DCAF7: variants seen among roughly 807,000 people sequenced by gnomAD.
DCAF7 encodes DDB1- and CUL4-associated factor 7.
In DCAF7, 4 loss-of-function variants were observed where a neutral mutation model predicts 41.2. The ratio of observed to expected loss-of-function variants is 0.10; its 90% CI spans 0.05 to 0.22. The LOEUF (loss-of-function observed/expected upper bound fraction) is 0.22, where lower values mean the gene tolerates loss of function less well. Ranked by LOEUF, DCAF7 falls within the 10% of genes least tolerant of loss-of-function variation. The pLI, the probability that DCAF7 is intolerant of heterozygous loss-of-function variation, is 1.00. For synonymous variants in DCAF7, 143 were observed against 164.2 expected (o/e 0.87, Z 0.99); for missense variants, 131 against 443.2 (o/e 0.30, Z 6.32).
chr17:63,575,094 ATCACTTGAGG>A (rs1164142673), intron 1 of DCAF7, among the ~76,000 whole-genome samples: 1 of 152,230 alleles, frequency 6.6e-6, no homozygotes, highest in Non-Finnish European at 1.5e-5. Context: ...AGATGGGCAG[ATCACTTGAGG>A]TCAGGAGTTT....
chr17:63,565,320 A>G (rs781700296), intron 1 of DCAF7, among the ~76,000 whole-genome samples: 18 of 152,102 alleles, frequency 1.2e-4, no homozygotes, highest in Non-Finnish European at 2.4e-4. Flanking sequence ...CACACCTGCA[A>G]TCCCAGCACT....
chr17:63,567,413 C>T (rs1410223443), intron 1 of DCAF7, among the ~76,000 whole-genome samples: 1 of 152,204 alleles, frequency 6.6e-6, no homozygotes, highest in Non-Finnish European at 1.5e-5. Context: ...GGCTAAAACA[C>T]ACACTTGTGC....
At chr17:63,572,988 CCTGGG>C in intron 1 of DCAF7, among the ~76,000 whole-genome samples, 1 of 152,288 alleles carries the variant, frequency 6.6e-6, no homozygotes, top group East Asian at 1.9e-4. Context: ...GTCTCGAATT[CCTGGG>C]CTCAAGCCAT....
intron 1 of DCAF7, among the ~76,000 whole-genome samples, chr17:63,557,284 G>A (rs2033321404): frequency 6.6e-6 from 1 of 152,098 alleles, no homozygotes; most frequent in South Asian, 2.1e-4. Context: ...ACATCAGCTG[G>A]CAGAGCACAC....
At chr17:63,583,812 G>A (rs1164037402) in intron 5 of DCAF7, 101 bp downstream of exon 5, 3 of 1,203,006 alleles carry the variant, frequency 2.5e-6, no homozygotes, top group African/African-American at 1.5e-5. Flanking sequence ...GGCTCCCGGA[G>A]TATCTTTGGG....
chr17:63,560,018 T>C (rs2147761229), intron 1 of DCAF7, among the ~76,000 whole-genome samples: 1 of 151,998 alleles, frequency 6.6e-6, no homozygotes, highest in East Asian at 1.9e-4. Flanking sequence ...CCTTAATAAC[T>C]GCATATAAAG....
chr17:63,570,318 G>A (rs923113775), intron 1 of DCAF7, among the ~76,000 whole-genome samples: 3 of 152,026 alleles, frequency 2.0e-5, no homozygotes. Context: ...GCCAGGCGTG[G>A]TGGTATGCAC....
intron 1 of DCAF7, among the ~76,000 whole-genome samples, chr17:63,575,299 C>T (rs901631426): frequency 2.0e-5 from 3 of 152,148 alleles, no homozygotes; most frequent in Non-Finnish European, 4.4e-5. Flanking sequence ...CCCCTACACT[C>T]CAGCTGAGGC....
rs546982068 is a variant in DCAF7, at chr17:63,550,698, G to A, written c.21G>A (p.Arg7=). The A allele has an allele frequency of 1.7e-4, 272 of 1,613,324 alleles. 6 individuals are homozygous for A. In the South Asian group the frequency reaches 2.8e-3, roughly 16 times the overall value. Residue 7 remains arginine (R), a synonymous_variant, in exon 1 of 7, where the codon CGG becomes CGA. Coordinates refer to ENST00000614556, the MANE Select transcript of DCAF7 (RefSeq NM_005828.5). The surrounding 1 kb of genome is among the most constrained non-coding windows in gnomAD (Gnocchi z 4.8). ...CCACCATGTCCCTGCACGGCAAACG[G>A]AAGGAGATCTACAAGTATGAAGCGC... MSLHGK[R]KEIYKYEAPW...
chr17:63,576,163 C>T (rs191931001), intron 1 of DCAF7, among the ~76,000 whole-genome samples: 165 of 152,272 alleles, frequency 1.1e-3, no homozygotes, highest in Admixed American at 9.1e-3. Context: ...AAACCTTGTT[C>T]GGGAGCTGTA....
chr17:63,550,941 C>G lies in DCAF7; in HGVS notation c.138+126C>G. On this transcript the variant is annotated intron_variant, in intron 1 of 6. Coordinates refer to ENST00000614556, the MANE Select transcript of DCAF7 (RefSeq NM_005828.5). The surrounding 1 kb of genome is among the most constrained non-coding windows in gnomAD (Gnocchi z 4.8). ...GCCCTAGGGCCACGGAGCGGTTCCT[C>G]TGTCTGGCCCTGTGCTGAAGGTTTC... is the stretch of plus-strand genomic sequence containing the variant. 1.4e-6 allele frequency: 2 copies of G among 1,397,722 alleles called. No homozygotes were observed. Among genetic ancestry groups the G allele is most frequent in the Non-Finnish European group, 1.9e-6 (2 of 1,054,574 alleles). The allele number at this position is 1,397,722 out of a possible 1,614,324, so 86.6% of individuals were successfully genotyped here. A position where few individuals can be genotyped will look rare whatever the true frequency, so the allele number is the denominator to read the frequency against.
Position 63,589,644 on chromosome 17 carries a change from A to C in DCAF7, c.*472A>C, listed in dbSNP as rs2033714232. Reference sequence around the variant, plus strand: ...AGTATCAGTGTGTTTAACAAATTTTAACTTTGTATATTTGTTATCTATCAG... The same window carrying C: ...AGTATCAGTGTGTTTAACAAATTTTCACTTTGTATATTTGTTATCTATCAG... On this transcript the variant is annotated 3_prime_UTR_variant, in exon 7 of 7. Transcript: ENST00000614556. 5.4e-6 allele frequency: 1 copy of C among 183,700 alleles called. No homozygotes were observed. Among genetic ancestry groups the C allele is most frequent in the South Asian group, 9.9e-5 (1 of 10,134 alleles). 11.4% of individuals were successfully genotyped at this position (183,700 alleles called of 1,614,324 possible).
At chr17:63,568,462 G>A (rs145616252) in intron 1 of DCAF7, among the ~76,000 whole-genome samples, 14 of 152,090 alleles carry the variant, frequency 9.2e-5, no homozygotes, top group Non-Finnish European at 1.6e-4. Flanking sequence ...TGCAGTTTTG[G>A]CCATCACTTA....
intron 1 of DCAF7, among the ~76,000 whole-genome samples, chr17:63,577,867 A>G (rs1188407133): frequency 6.6e-6 from 1 of 152,174 alleles, no homozygotes; most frequent in Admixed American, 6.5e-5. Context: ...GGCCTGGCAG[A>G]TAGTGCACTT....
At chr17:63,566,737 A>T (rs1598029573) in intron 1 of DCAF7, among the ~76,000 whole-genome samples, 1 of 152,132 alleles carries the variant, frequency 6.6e-6, no homozygotes, top group African/African-American at 2.4e-5. Flanking sequence ...CCCTATCTCT[A>T]CAGACAATTC....
At chr17:63,557,614 C>T (rs1471640895) in intron 1 of DCAF7, among the ~76,000 whole-genome samples, 1 of 151,938 alleles carries the variant, frequency 6.6e-6, no homozygotes, top group East Asian at 1.9e-4. Context: ...ACAATGAGAA[C>T]ATAATAGATG....
chr17:63,590,189 G>A lies in DCAF7; in HGVS notation c.*1017G>A, dbSNP rs2033719535. ...AGAATGATATCTGAGTTGAACTTCG[G>A]TGCTTCTGTTGTTTGAGTTTACTGT... On this transcript the variant is annotated 3_prime_UTR_variant, in exon 7 of 7. Transcript: ENST00000614556. 6.6e-6 allele frequency: 1 copy of A among 152,554 alleles called. No individual in the cohort carries two copies. The highest frequency in any genetic ancestry group is 1.5e-5 in the Non-Finnish European group (1 of 68,062). The allele number at this position is 152,554 out of a possible 1,614,324, so 9.5% of individuals were successfully genotyped here. A position where few individuals can be genotyped will look rare whatever the true frequency, so the allele number is the denominator to read the frequency against.
chr17:63,589,550 A>G lies in DCAF7; in HGVS notation c.*378A>G. 2 of 299,900 alleles carry G rather than the reference A, an allele frequency of 6.7e-6. No individual in the cohort carries two copies. The highest frequency in any genetic ancestry group is 1.3e-5 in the Non-Finnish European group (2 of 152,122). 18.6% of individuals were successfully genotyped at this position (299,900 alleles called of 1,614,324 possible). A position where few individuals can be genotyped will look rare whatever the true frequency, so the allele number is the denominator to read the frequency against. ...TGTTTGCTGCCCAAGGCAGCAGTTC[A>G]TGTCTCGTCCATGTCCATGTTCGTG... is the stretch of plus-strand genomic sequence containing the variant. On this transcript the variant is annotated 3_prime_UTR_variant, in exon 7 of 7. Transcript: ENST00000614556.
intron 1 of DCAF7, among the ~76,000 whole-genome samples, chr17:63,576,642 C>T (rs998248411): frequency 2.7e-5 from 4 of 150,856 alleles, no homozygotes; most frequent in Non-Finnish European, 4.4e-5. Context: ...TTTTTGGGTG[C>T]GGTGCTTACG....
Sources: gnomAD v4.1 joint callset for allele counts (sites outside exome capture counted in the v4.1 genomes callset) on GRCh38, gnomAD v4.1.1 for gene constraint, Gnocchi (gnomAD v3.1) non-coding constraint, MANE v1.5 for transcripts, NCBI Gene and HGNC (gene_info 2026-07-23, HGNC 2026-07-21) for gene names.